Variants in AGO1 observed in about 807,000 individuals in gnomAD.
AGO1 encodes the protein protein argonaute-1.
In AGO1, 11 loss-of-function variants were observed where a neutral mutation model predicts 109.2. That is an observed-to-expected ratio of 0.10 (90% confidence interval 0.06 to 0.17). AGO1 has a LOEUF of 0.17. Ranked by LOEUF, AGO1 falls within the 10% of genes least tolerant of loss-of-function variation. AGO1 has a pLI of 1.00. For missense variants in AGO1, 574 were observed against 1,140.3 expected (o/e 0.50, Z 7.15); for synonymous variants, 422 against 418.6 (o/e 1.01, Z -0.10).
chr1:35,876,915 G>A (rs541406851), intron 1 of AGO1, among the ~76,000 whole-genome samples: 34 of 152,286 alleles, frequency 2.2e-4, no homozygotes, highest in African/African-American at 7.5e-4. Context: ...AGCCTCCTGA[G>A]TAGTTGGGAC....
Position 35,874,992 on chromosome 1 carries a change from T to A in AGO1, c.-201+5089T>A, listed in dbSNP as rs146182819. Among the ~76,000 whole-genome samples the A allele has an allele frequency of 4.9e-3, 751 of 152,284 alleles. 12 individuals carry two copies. Among genetic ancestry groups the A allele is most frequent in the African/African-American group, 0.017 (709 of 41,552 alleles). ...AGAAAAGTTTGAAGCTAGTAGAGAT[T>A]GGTTCATGAGGTTTAAGGAAAGAAG... is the stretch of plus-strand genomic sequence containing the variant. On this transcript the variant is annotated intron_variant, in intron 1 of 18. Coordinates refer to the AGO1 transcript ENST00000373206.
rs986001993 is a variant in AGO1, at chr1:35,901,810, T to C, written c.1141-138T>C. The C allele has an allele frequency of 3.0e-6, 4 of 1,352,494 alleles. No individual in the cohort carries two copies. The highest frequency in any genetic ancestry group is 2.3e-5 in the Admixed American group (1 of 43,024). 83.8% of individuals were successfully genotyped at this position (1,352,494 alleles called of 1,614,324 possible). A position where few individuals can be genotyped will look rare whatever the true frequency, so the allele number is the denominator to read the frequency against. Reference sequence around the variant, plus strand: ...CTGTGTTATTCCCTCACTTCCCTCATCTTCCACTTTCTCTCTCTTTTTAGG... The same window carrying C: ...CTGTGTTATTCCCTCACTTCCCTCACCTTCCACTTTCTCTCTCTTTTTAGG... On this transcript the variant is annotated intron_variant, in intron 9 of 18. Coordinates refer to ENST00000373204, the MANE Select transcript of AGO1 (RefSeq NM_012199.5). The surrounding 1 kb of genome is among the most constrained non-coding windows in gnomAD (Gnocchi z 4.8).
In AGO1 at chr1:35,901,025, A is replaced by C. The variant is rs113053104; in HGVS notation, c.1021-449A>C. Among the ~76,000 whole-genome samples, 1,682 of 146,166 alleles carry C rather than the reference A, an allele frequency of 0.012. 27 individuals carry two copies. The highest frequency in any genetic ancestry group is 0.02 in the Admixed American group (288 of 14,454). On this transcript the variant is annotated intron_variant, in intron 8 of 18. Coordinates refer to ENST00000373204, the MANE Select transcript of AGO1 (RefSeq NM_012199.5). The surrounding 1 kb of genome is among the most constrained non-coding windows in gnomAD (Gnocchi z 4.8). ...GAGACAGGGTCTCACTCTGTCACCC[A>C]GGCTGGCGTTCAGTGGCGTGATCTG...
Position 35,919,921 on chromosome 1 carries a change from C to T in AGO1, c.*314C>T, listed in dbSNP as rs187653963. 9.5e-4 allele frequency: 292 copies of T among 307,928 alleles called. 2 individuals are homozygous for T. In the Middle Eastern group the frequency reaches 0.023, roughly 24 times the overall value. The allele number at this position is 307,928 out of a possible 1,614,324, so 19.1% of individuals were successfully genotyped here. On this transcript the variant is annotated 3_prime_UTR_variant, in exon 19 of 19. Coordinates refer to ENST00000373204, the MANE Select transcript of AGO1 (RefSeq NM_012199.5). The surrounding 1 kb of genome is among the most constrained non-coding windows in gnomAD (Gnocchi z 6.6). ...ACACACAGGTGTCTCATGTGACTCA[C>T]AGTGCTAAAGACTCATGCTTGACAG...
rs1440658079 is a variant in AGO1, at chr1:35,888,407, C to G, written c.26-20C>G. ...AGGAGATTGCCAGACTTTACCCTCA[C>G]CAGCCTCTTTGTCTTGTAGCTGCGG... On this transcript the variant is annotated intron_variant, in intron 1 of 18. Coordinates refer to ENST00000373204, the MANE Select transcript of AGO1 (RefSeq NM_012199.5). This position sits in a 1 kb window ranked among gnomAD's most constrained non-coding sequence, Gnocchi z 4.1. 1.9e-6 allele frequency: 3 copies of G among 1,612,544 alleles called. No homozygotes were observed. Among genetic ancestry groups the G allele is most frequent in the Non-Finnish European group, 8.5e-7 (1 of 1,179,152 alleles).
intron 14 of AGO1, among the ~76,000 whole-genome samples, chr1:35,914,530 C>CT (rs1317151869): frequency 1.3e-5 from 2 of 152,190 alleles, no homozygotes; most frequent in Non-Finnish European, 2.9e-5. Context: ...ATTTGAATGT[C>CT]TTTCTTTCCC....
chr1:35,878,330 C>T (rs887310728), upstream of AGO1, among the ~76,000 whole-genome samples: 1 of 151,842 alleles, frequency 6.6e-6, no homozygotes, highest in Admixed American at 6.6e-5. Context: ...CATGATCCTC[C>T]CGGCTCGGCC....
intron 12 of AGO1, 51 bp from the exon 13 acceptor site, chr1:35,913,791 A>G: frequency 6.3e-7 from 1 of 1,586,342 alleles, no homozygotes; most frequent in Non-Finnish European, 8.6e-7. Flanking sequence ...TCTAGTAGGC[A>G]TTCAGTAAAT....
intron 8 of AGO1, among the ~76,000 whole-genome samples, chr1:35,896,076 T>G (rs1645312153): frequency 2.0e-5 from 3 of 152,178 alleles, no homozygotes. Context: ...GTTGGCTCAC[T>G]GCAACCTCTG....
intron 8 of AGO1, among the ~76,000 whole-genome samples, chr1:35,896,819 T>C (rs1645328850): frequency 6.6e-6 from 1 of 152,232 alleles, no homozygotes; most frequent in South Asian, 2.1e-4. Context: ...TAGCTACTGA[T>C]GCACATGAAG....
rs903096962 is a variant in AGO1, at chr1:35,920,042, T to C, written c.*435T>C. On this transcript the variant is annotated 3_prime_UTR_variant, in exon 19 of 19. Transcript: ENST00000373204. Reference sequence around the variant, plus strand: ...AAAGTGAGGGGCTTGAGAAAGTGGGTGGGAGGAGGGAAGGATTTTTTAGGA... The same window carrying C: ...AAAGTGAGGGGCTTGAGAAAGTGGGCGGGAGGAGGGAAGGATTTTTTAGGA... 6.3e-6 allele frequency: 1 copy of C among 158,876 alleles called. No homozygotes were observed. The highest frequency in any genetic ancestry group is 2.4e-5 in the African/African-American group (1 of 41,586). The allele number at this position is 158,876 out of a possible 1,614,324, so 9.8% of individuals were successfully genotyped here.
Position 35,926,451 on chromosome 1 carries a change from G to A in AGO1, c.*6844G>A, listed in dbSNP as rs1645929464. The stretch of plus-strand genomic sequence containing the variant: ...CTTGGGGTAGTCAGGCTGGGTATTT[G>A]TTTGGTATCTCTTGGTGTAGCAGAC... On this transcript the variant is annotated 3_prime_UTR_variant, in exon 19 of 19. Coordinates refer to ENST00000373204, the MANE Select transcript of AGO1 (RefSeq NM_012199.5). 6.6e-6 allele frequency: 1 copy of A among 152,274 alleles called. No homozygotes were observed. Among genetic ancestry groups the A allele is most frequent in the Middle Eastern group, 3.4e-3 (1 of 294 alleles). The allele number at this position is 152,274 out of a possible 1,614,324, so 9.4% of individuals were successfully genotyped here.
At chr1:35,889,436 TC>T (rs979876192) in intron 2 of AGO1, among the ~76,000 whole-genome samples, 10 of 151,996 alleles carry the variant, frequency 6.6e-5, no homozygotes, top group African/African-American at 2.4e-4. Flanking sequence ...GGTCTCTAAC[TC>T]CTGACCCCAG....
In AGO1 at chr1:35,926,280, C is replaced by T. The variant is rs963726070; in HGVS notation, c.*6673C>T. The T allele has an allele frequency of 6.6e-6, 1 of 152,218 alleles. No homozygotes were observed. Among genetic ancestry groups the T allele is most frequent in the Non-Finnish European group, 1.5e-5 (1 of 68,056 alleles). 9.4% of individuals were successfully genotyped at this position (152,218 alleles called of 1,614,324 possible). On this transcript the variant is annotated 3_prime_UTR_variant, in exon 19 of 19. Coordinates refer to ENST00000373204, the MANE Select transcript of AGO1 (RefSeq NM_012199.5). ...TCAAGTTAAAAAGACTGGGAGCCTGCATTGTTTGGTCCTGGAGCTCAAGGT... is the reference window on the plus strand; with the variant it reads ...TCAAGTTAAAAAGACTGGGAGCCTGTATTGTTTGGTCCTGGAGCTCAAGGT...
At chr1:35,892,894 C>T (rs997667044) in intron 3 of AGO1, among the ~76,000 whole-genome samples, 1 of 152,212 alleles carries the variant, frequency 6.6e-6, no homozygotes, top group Non-Finnish European at 1.5e-5. Context: ...GACCTAAGGG[C>T]TTCCTGCTAG....
chr1:35,925,561 A>G lies in AGO1; in HGVS notation c.*5954A>G, dbSNP rs1316018304. The G allele has an allele frequency of 6.6e-6, 1 of 151,628 alleles. No individual in the cohort carries two copies. The highest frequency in any genetic ancestry group is 1.5e-5 in the Non-Finnish European group (1 of 67,964). 9.4% of individuals were successfully genotyped at this position (151,628 alleles called of 1,614,324 possible). ...CATCTCAGGGTCATGGCATATACCA[A>G]CAGATCAGTATGTGCAAATATAATT... On this transcript the variant is annotated 3_prime_UTR_variant, in exon 19 of 19. Transcript: ENST00000373204.
rs1018086070 is a variant in AGO1 at position 35,890,084 on chromosome 1, G to A, written c.209+1474G>A. 5.3e-5 allele frequency among the ~76,000 whole-genome samples: 8 copies of A among 151,670 alleles called. No individual in the cohort carries two copies. The South Asian group carries it at 6.2e-4, about 12-fold the overall frequency. ...GTCATCCAGGCTAGAGTGCAGTGGCGTGATCTCGGCTCACTGCAACCTCTG... is the reference window on the plus strand; with the variant it reads ...GTCATCCAGGCTAGAGTGCAGTGGCATGATCTCGGCTCACTGCAACCTCTG... On this transcript the variant is annotated intron_variant, in intron 2 of 18. Coordinates refer to ENST00000373204, the MANE Select transcript of AGO1 (RefSeq NM_012199.5).
rs1453774936 is a variant in AGO1 at position 35,921,468 on chromosome 1, G to A, written c.*1861G>A. On this transcript the variant is annotated 3_prime_UTR_variant, in exon 19 of 19. Transcript: ENST00000373204. ...GATGGGGAGTTGCAACTTCAGTGTGGAATTTCCTCTTTGAGGAGCCTGGGC... is the reference window on the plus strand; with the variant it reads ...GATGGGGAGTTGCAACTTCAGTGTGAAATTTCCTCTTTGAGGAGCCTGGGC... The A allele has an allele frequency of 6.6e-6, 1 of 152,526 alleles. No individual in the cohort carries two copies. Among genetic ancestry groups the A allele is most frequent in the African/African-American group, 2.4e-5 (1 of 41,350 alleles). 9.4% of individuals were successfully genotyped at this position (152,526 alleles called of 1,614,324 possible).
rs966105029 is a variant in AGO1, at chr1:35,925,032, CG to C, written c.*5430del. On this transcript the variant is annotated 3_prime_UTR_variant, in exon 19 of 19. Coordinates refer to ENST00000373204, the MANE Select transcript of AGO1 (RefSeq NM_012199.5). ...CCCTAAGAAACTCAATTTAAAGGTT[CG>C]GGGGAGGAAGCAGATCTTAAGGTGA... is the stretch of plus-strand genomic sequence containing the variant. 17 of 152,002 alleles carry C rather than the reference CG, an allele frequency of 1.1e-4. No homozygotes were observed. The highest frequency in any genetic ancestry group is 4.1e-4 in the African/African-American group (17 of 41,450). The allele number at this position is 152,002 out of a possible 1,614,324, so 9.4% of individuals were successfully genotyped here.
Sources: gnomAD v4.1 joint callset for allele counts (sites outside exome capture counted in the v4.1 genomes callset) on GRCh38, gnomAD v4.1.1 for gene constraint, Gnocchi (gnomAD v3.1) non-coding constraint, MANE v1.5 for transcripts, NCBI Gene and HGNC (gene_info 2026-07-23, HGNC 2026-07-21) for gene names.